RORA: variants seen among roughly 807,000 people sequenced by gnomAD.
RORA encodes RAR related orphan receptor A.
Under a neutral mutation model 69.5 loss-of-function variants are expected in RORA, and 7 were observed. The ratio of observed to expected loss-of-function variants is 0.10; its 90% CI spans 0.06 to 0.19. RORA has a LOEUF of 0.19. RORA is among the 10% of genes least tolerant of loss of function. RORA has a pLI of 1.00. For missense variants in RORA, 457 were observed against 663.0 expected, an observed-to-expected ratio of 0.69 and a Z score of 3.41; for synonymous variants, 261 against 240.8, an observed-to-expected ratio of 1.08 and a Z score of -0.78.
chr15:61,228,531 G>GC (rs1352729297), intron 1 of RORA, among the ~76,000 whole-genome samples: 2 of 78,876 alleles, frequency 2.5e-5, no homozygotes, highest in Non-Finnish European at 5.3e-5. Flanking sequence ...CACTCCTCCC[G>GC]CCCCCCGCCC....
At chr15:60,819,755 A>ACACACACACACACACACACACACACACG (rs2072864593) in intron 1 of RORA, among the ~76,000 whole-genome samples, 31 of 53,934 alleles carry the variant, frequency 5.7e-4, no homozygotes, top group African/African-American at 1.2e-3. Context: ...AGACACACAC[A>ACACACACACACACACACACACACACACG]CACACACACA....
intron 1 of RORA, among the ~76,000 whole-genome samples, chr15:60,951,608 A>G (rs1420548461): frequency 6.7e-6 from 1 of 150,360 alleles, no homozygotes; most frequent in Non-Finnish European, 1.5e-5. Context: ...TAAAGGGGAT[A>G]TCACCACCGA....
intron 1 of RORA, among the ~76,000 whole-genome samples, chr15:61,185,382 G>A (rs961305513): frequency 9.0e-5 from 8 of 89,112 alleles, no homozygotes; most frequent in African/African-American, 2.4e-4. Flanking sequence ...CAGACTGGCA[G>A]GATCTCTATA....
chr15:61,066,867 G>C (rs1202460142), intron 1 of RORA, among the ~76,000 whole-genome samples: 1 of 105,290 alleles, frequency 9.5e-6, no homozygotes, highest in African/African-American at 3.8e-5. Flanking sequence ...GAAAGGAAAG[G>C]GTTCATAAGA....
chr15:61,161,527 A>G (rs2079495863), intron 1 of RORA, among the ~76,000 whole-genome samples: 1 of 152,170 alleles, frequency 6.6e-6, no homozygotes, highest in Admixed American at 6.5e-5. Context: ...ATGTATGCGC[A>G]TTCACATAGC....
At chr15:60,638,277 G>A (rs963059508) in intron 2 of RORA, among the ~76,000 whole-genome samples, 1 of 152,050 alleles carries the variant, frequency 6.6e-6, no homozygotes, top group Non-Finnish European at 1.5e-5. Flanking sequence ...TACAAGGTGT[G>A]TGCCAAATAA....
chr15:60,854,278 T>A (rs1371926996), intron 1 of RORA, among the ~76,000 whole-genome samples: 1 of 151,992 alleles, frequency 6.6e-6, no homozygotes, highest in Admixed American at 6.6e-5. Context: ...AATAAATAAA[T>A]AAAAATAAAT....
intron 1 of RORA, among the ~76,000 whole-genome samples, chr15:61,205,912 G>A (rs183303014): frequency 7.9e-5 from 12 of 152,278 alleles, no homozygotes; most frequent in African/African-American, 2.9e-4. Flanking sequence ...TATGGTAGGA[G>A]GCACGAGCCA....
In RORA at chr15:61,040,121, T is replaced by G. The variant is rs1346535977; in HGVS notation, c.166+188932A>C. ...CTATGATCACAAGCTTTGATATATATATATATATATATATATATATATATA... is the reference window on the plus strand; with the variant it reads ...CTATGATCACAAGCTTTGATATATAGATATATATATATATATATATATATA... On this transcript the variant is annotated intron_variant, in intron 1 of 10. Coordinates refer to ENST00000335670, the MANE Select transcript of RORA (RefSeq NM_134261.3). Among the ~76,000 whole-genome samples, 124 of 63,876 alleles carry G rather than the reference T, an allele frequency of 1.9e-3. 3 individuals are homozygous for G. The South Asian group carries it at 0.02, about 10-fold the overall frequency. The allele number at this position is 63,876 out of a possible 152,430, so 41.9% of individuals were successfully genotyped here.
intron 1 of RORA, among the ~76,000 whole-genome samples, chr15:61,153,688 C>G (rs755853259): frequency 6.6e-6 from 1 of 152,152 alleles, no homozygotes; most frequent in South Asian, 2.1e-4. Context: ...AATGTTCTTC[C>G]GGCTCTAAAA....
chr15:60,572,889 T>C (rs528970267), intron 2 of RORA, among the ~76,000 whole-genome samples: 1 of 152,332 alleles, frequency 6.6e-6, no homozygotes, highest in African/African-American at 2.4e-5. Flanking sequence ...TTACCAAGCA[T>C]ATCTTTAAAT....
intron 2 of RORA, among the ~76,000 whole-genome samples, chr15:60,540,556 T>C (rs2066831311): frequency 1.1e-5 from 1 of 94,226 alleles, no homozygotes. Flanking sequence ...ACCTGCACAA[T>C]TTCCATGACC....
intron 1 of RORA, among the ~76,000 whole-genome samples, chr15:61,007,968 C>A (rs975156199): frequency 6.6e-6 from 1 of 151,024 alleles, no homozygotes; most frequent in Non-Finnish European, 1.5e-5. Flanking sequence ...AGAGCTTGTT[C>A]GTGTATTTCT....
intron 1 of RORA, among the ~76,000 whole-genome samples, chr15:60,766,633 T>A (rs1034583118): frequency 6.6e-6 from 1 of 151,484 alleles, no homozygotes; most frequent in Non-Finnish European, 1.5e-5. Context: ...TAACTTGCTG[T>A]TTAATAGATT....
At position 60,522,635 on chromosome 15, in the gene RORA, T is replaced by A. The variant is rs539238822; in HGVS notation, c.283-7878A>T. On this transcript the variant is annotated intron_variant, in intron 3 of 10. Coordinates refer to ENST00000335670, the MANE Select transcript of RORA (RefSeq NM_134261.3). ...AAATAAAACAATTAGCCAGGTGTAG[T>A]GGCATGTGCTTGTAGTCCCAGCTAC... Among the ~76,000 whole-genome samples the A allele has an allele frequency of 2.0e-5, 3 of 151,708 alleles. No individual in the cohort carries two copies. In the East Asian group the frequency reaches 5.9e-4, roughly 30 times the overall value.
intron 1 of RORA, among the ~76,000 whole-genome samples, chr15:60,769,872 T>G (rs2072048158): frequency 6.6e-6 from 1 of 152,224 alleles, no homozygotes; most frequent in East Asian, 1.9e-4. Context: ...TCTTTCATTT[T>G]CCCTGTGTAT....
At chr15:60,798,712 A>G (rs563301729) in intron 1 of RORA, among the ~76,000 whole-genome samples, 60 of 152,094 alleles carry the variant, frequency 3.9e-4, no homozygotes, top group Non-Finnish European at 1.2e-4. Context: ...AGGCTTAAGT[A>G]TCAGACAGAT....
intron 1 of RORA, among the ~76,000 whole-genome samples, chr15:61,122,452 G>C (rs2079112301): frequency 1.3e-5 from 2 of 152,170 alleles, no homozygotes; most frequent in Admixed American, 6.5e-5. Context: ...AGGAAAAGAA[G>C]ACTCAGGGCA....
At chr15:61,193,913 T>C (rs1234263173) in intron 1 of RORA, 1 of 152,146 alleles carries the variant, frequency 6.6e-6, no homozygotes, top group African/African-American at 2.4e-5. Flanking sequence ...TTGTTGCTCT[T>C]AACGCGGCCC....
Sources: allele counts gnomAD v4.1 joint callset (sites outside exome capture counted in the v4.1 genomes callset), GRCh38; gene constraint gnomAD v4.1.1; transcripts MANE v1.5; gene names NCBI Gene and HGNC (gene_info 2026-07-23, HGNC 2026-07-21).